GLI3: variants seen among roughly 807,000 people sequenced by gnomAD.
The protein encoded by GLI3 is GLI family zinc finger 3.
Under a neutral mutation model 100.8 loss-of-function variants are expected in GLI3, and 20 were observed. The ratio of observed to expected loss-of-function variants is 0.20; its 90% CI spans 0.14 to 0.29. The LOEUF (loss-of-function observed/expected upper bound fraction) is 0.29, where lower values mean the gene tolerates loss of function less well. GLI3 is among the 10% of genes least tolerant of loss of function. The pLI is 1.00. For missense variants in GLI3, 2,040 were observed against 2,128.5 expected (o/e 0.96, Z 0.82); for synonymous variants, 938 against 860.5 (o/e 1.09, Z -1.58).
chr7:42,020,889 C>CAAAAAA (rs371389453), intron 10 of GLI3, among the ~76,000 whole-genome samples: 5 of 113,122 alleles, frequency 4.4e-5, no homozygotes, highest in African/African-American at 1.4e-4. Flanking sequence ...GACTCCGTCT[C>CAAAAAA]AAAAAAAAAA....
intron 2 of GLI3, among the ~76,000 whole-genome samples, chr7:42,186,023 G>A (rs1787710138): frequency 6.6e-6 from 1 of 152,222 alleles, no homozygotes; most frequent in Non-Finnish European, 1.5e-5. Context: ...ACATAAGCCA[G>A]ACCATATCGT....
intron 2 of GLI3, among the ~76,000 whole-genome samples, chr7:42,197,576 A>T (rs1480933502): frequency 1.3e-5 from 2 of 152,234 alleles, no homozygotes; most frequent in Non-Finnish European, 2.9e-5. Context: ...CTTGAAAACC[A>T]AATGAAATGT....
chr7:41,986,915 C>T (rs1787841897), intron 10 of GLI3, among the ~76,000 whole-genome samples: 1 of 148,938 alleles, frequency 6.7e-6, no homozygotes. Flanking sequence ...AGTCTGGTAC[C>T]AGGAAATTGT....
chr7:42,078,408 G>A (rs370110702), intron 3 of GLI3, among the ~76,000 whole-genome samples: 1 of 152,130 alleles, frequency 6.6e-6, no homozygotes, highest in East Asian at 1.9e-4. Context: ...AAAAAATCCA[G>A]TAAGAGTAAA....
chr7:42,180,149 G>A (rs1254840123), intron 2 of GLI3, among the ~76,000 whole-genome samples: 1 of 150,206 alleles, frequency 6.7e-6, no homozygotes, highest in Admixed American at 6.6e-5. Context: ...AGGCAGTGGT[G>A]GGGGCGGAGG....
At chr7:42,117,648 G>T (rs541237845) in intron 3 of GLI3, among the ~76,000 whole-genome samples, 2 of 152,326 alleles carry the variant, frequency 1.3e-5, no homozygotes, top group South Asian at 4.1e-4. Context: ...TGACTTGTTA[G>T]ATGCCTGCTT....
chr7:42,235,716 T>A (rs1788777421), intron 1 of GLI3, among the ~76,000 whole-genome samples: 1 of 152,194 alleles, frequency 6.6e-6, no homozygotes, highest in Non-Finnish European at 1.5e-5. Context: ...GGCACTGCCA[T>A]GTATTTGCAC....
At chr7:42,026,080 A>G in intron 8 of GLI3, 119 bp downstream of exon 8, 1 of 718,654 alleles carries the variant, frequency 1.4e-6, no homozygotes, top group East Asian at 2.7e-5. Context: ...AGAAGACAGG[A>G]TGCTAGTACA....
intron 3 of GLI3, among the ~76,000 whole-genome samples, chr7:42,133,586 A>G (rs1359507894): frequency 6.6e-6 from 1 of 151,140 alleles, no homozygotes; most frequent in Non-Finnish European, 1.5e-5. Flanking sequence ...TTTCCTATCA[A>G]GCTCTGCATA....
chr7:42,263,337 A>G (rs1789164349), intron 1 of GLI3, among the ~76,000 whole-genome samples: 1 of 152,102 alleles, frequency 6.6e-6, no homozygotes, highest in Non-Finnish European at 1.5e-5. Context: ...TAAAAGGGAG[A>G]GCTGTGATGC....
intron 2 of GLI3, among the ~76,000 whole-genome samples, chr7:42,184,593 TAATGAATG>T (rs1210680571): frequency 6.6e-6 from 1 of 152,172 alleles, no homozygotes; most frequent in African/African-American, 2.4e-5. Flanking sequence ...TGAATTGTTT[TAATGAATG>T]AATGAATGAA....
chr7:42,015,667 T>C (rs1788738665), intron 10 of GLI3, among the ~76,000 whole-genome samples: 3 of 151,652 alleles, frequency 2.0e-5, no homozygotes, highest in Admixed American at 6.6e-5. Context: ...TTATGGGCCT[T>C]ACTGAGAACT....
In GLI3 at chr7:42,194,757, C is replaced by CTTTTT. The variant is rs1338910591; in HGVS notation, c.124+28372_124+28373insAAAAA. On this transcript the variant is annotated intron_variant, in intron 2 of 14. Transcript: ENST00000395925. ...CTAATGCATCAACTTCTCTCTCTGT[C>CTTTTT]TCTTTTTTTTTTTTTTTTTGGAGTC... Among the ~76,000 whole-genome samples, 344 of 81,708 alleles carry CTTTTT rather than the reference C, an allele frequency of 4.2e-3. 1 individual carries two copies. The highest frequency in any genetic ancestry group is 0.022 in the Middle Eastern group (3 of 136). 53.6% of individuals were successfully genotyped at this position (81,708 alleles called of 152,430 possible).
intron 2 of GLI3, among the ~76,000 whole-genome samples, chr7:42,217,393 A>C (rs1377021041): frequency 1.3e-5 from 2 of 152,182 alleles, no homozygotes; most frequent in East Asian, 1.9e-4. Context: ...CTCTTATTAG[A>C]ATCAGAATAT....
At chr7:42,170,546 G>A (rs925619624) in intron 2 of GLI3, among the ~76,000 whole-genome samples, 1 of 151,368 alleles carries the variant, frequency 6.6e-6, no homozygotes, top group African/African-American at 2.4e-5. Flanking sequence ...GGGACTACAG[G>A]TGCCTGCCAC....
chr7:42,120,943 G>T (rs1182779909), intron 3 of GLI3, among the ~76,000 whole-genome samples: 1 of 152,198 alleles, frequency 6.6e-6, no homozygotes, highest in Non-Finnish European at 1.5e-5. Context: ...GATATAAAAT[G>T]ACAGGCTCAG....
intron 1 of GLI3, among the ~76,000 whole-genome samples, chr7:42,261,370 C>A (rs1461370850): frequency 6.6e-6 from 1 of 152,100 alleles, no homozygotes; most frequent in East Asian, 1.9e-4. Context: ...CTAGGCCTCA[C>A]CTCCAGCATG....
At position 41,961,510 on chromosome 7, in the gene GLI3, A is replaced by G. The variant is rs903826247; in HGVS notation, c.*2820T>C. 2.6e-5 allele frequency: 4 copies of G among 152,642 alleles called. No homozygotes were observed. Among genetic ancestry groups the G allele is most frequent in the African/African-American group, 9.7e-5 (4 of 41,446 alleles). 9.5% of individuals were successfully genotyped at this position (152,642 alleles called of 1,614,324 possible). The stretch of plus-strand genomic sequence containing the variant: ...CTTTGTGGCTCAAGAGGAAGAGCCA[A>G]TGTGTGAGGAGTTGGGAGGGGTTAA... On this transcript the variant is annotated 3_prime_UTR_variant, in exon 15 of 15. Coordinates refer to ENST00000395925, the MANE Select transcript of GLI3 (RefSeq NM_000168.6).
At chr7:42,000,256 C>T (rs534852220) in intron 10 of GLI3, among the ~76,000 whole-genome samples, 3 of 152,212 alleles carry the variant, frequency 2.0e-5, no homozygotes, top group Admixed American at 2.0e-4. Flanking sequence ...TTAGGCAGAT[C>T]CAGGACAAAA....
Sources: allele counts gnomAD v4.1 joint callset (sites outside exome capture counted in the v4.1 genomes callset), GRCh38; gene constraint gnomAD v4.1.1; transcripts MANE v1.5; gene names NCBI Gene and HGNC (gene_info 2026-07-23, HGNC 2026-07-21).